PDGFD: variants seen among roughly 807,000 people sequenced by gnomAD.
PDGFD encodes platelet derived growth factor D, also known as platelet-derived growth factor D.
PDGFD carries 30 observed loss-of-function variants against 44.7 expected under a neutral mutation model. The ratio of observed to expected loss-of-function variants is 0.67; its 90% confidence interval spans 0.50 to 0.91. The LOEUF (loss-of-function observed/expected upper bound fraction) is 0.91. Among genes scored for constraint, PDGFD ranks in the 40% least tolerant of loss-of-function variants. The pLI, the probability that PDGFD is intolerant of heterozygous loss-of-function variation, is 0.00. For synonymous variants in PDGFD, 173 were observed against 168.4 expected, an observed-to-expected ratio of 1.03 and a Z score of -0.21; for missense variants, 445 against 457.8, an observed-to-expected ratio of 0.97 and a Z score of 0.25.
chr11:104,071,589 T>C (rs1183254313), intron 1 of PDGFD, among the ~76,000 whole-genome samples: 1 of 151,870 alleles, frequency 6.6e-6, no homozygotes, highest in Non-Finnish European at 1.5e-5. Context: ...TATTTTCTCC[T>C]AGTTGTTTTT....
At chr11:104,070,908 T>C (rs1331466646) in intron 1 of PDGFD, among the ~76,000 whole-genome samples, 1 of 152,148 alleles carries the variant, frequency 6.6e-6, no homozygotes, top group African/African-American at 2.4e-5. Context: ...AATAAATTTC[T>C]GACAAACAGA....
chr11:104,060,187 T>C (rs1052288333), intron 1 of PDGFD, among the ~76,000 whole-genome samples: 2 of 152,254 alleles, frequency 1.3e-5, no homozygotes, highest in African/African-American at 2.4e-5. Flanking sequence ...CACTGTGTTA[T>C]GAATTACATT....
intron 1 of PDGFD, among the ~76,000 whole-genome samples, chr11:104,030,356 G>T (rs1007798860): frequency 2.0e-5 from 3 of 152,164 alleles, no homozygotes; most frequent in African/African-American, 7.2e-5. Context: ...TAATAGGCTG[G>T]AGAATAATAA....
intron 6 of PDGFD, among the ~76,000 whole-genome samples, chr11:103,922,553 C>CA (rs934237123): frequency 6.6e-6 from 1 of 151,706 alleles, no homozygotes; most frequent in Non-Finnish European, 1.5e-5. Context: ...AGAATTCCCC[C>CA]CCGCCTTTTT....
chr11:104,116,195 G>C (rs1861635438), intron 1 of PDGFD, among the ~76,000 whole-genome samples: 1 of 151,980 alleles, frequency 6.6e-6, no homozygotes, highest in African/African-American at 2.4e-5. Context: ...TACATTCTGA[G>C]TTTATTTTTG....
intron 3 of PDGFD, among the ~76,000 whole-genome samples, chr11:103,957,002 A>T (rs780418363): frequency 2.6e-5 from 4 of 152,020 alleles, no homozygotes; most frequent in African/African-American, 2.4e-5. Context: ...CTCCCATTTT[A>T]TAGTTTGCCT....
chr11:104,161,317 T>C (rs1031810217), intron 1 of PDGFD, among the ~76,000 whole-genome samples: 6 of 152,334 alleles, frequency 3.9e-5, no homozygotes, highest in African/African-American at 1.4e-4. Context: ...CTTAATCTGA[T>C]AGTCAAATGA....
At chr11:104,035,552 C>T (rs865837573) in intron 1 of PDGFD, among the ~76,000 whole-genome samples, 1 of 125,916 alleles carries the variant, frequency 7.9e-6, no homozygotes, top group African/African-American at 2.9e-5. Flanking sequence ...TCCTTCCTTA[C>T]TTCTTTTTCT....
intron 1 of PDGFD, among the ~76,000 whole-genome samples, chr11:104,093,227 A>G (rs943668334): frequency 2.6e-5 from 4 of 152,074 alleles, no homozygotes; most frequent in African/African-American, 7.2e-5. Context: ...TACTGATCAA[A>G]TTCTAGAGAA....
In PDGFD at chr11:103,909,678, G is replaced by C; in HGVS notation, c.*16C>G. On this transcript the variant is annotated 3_prime_UTR_variant, in exon 7 of 7. Transcript: ENST00000393158. ...AAAGGTTCTTTCAGGCTTAATGTAA[G>C]GATGTGCACATTCTCTTATCGAGGT... is the stretch of plus-strand genomic sequence containing the variant. 6.2e-7 allele frequency: 1 copy of C among 1,613,850 alleles called. No homozygotes were observed.
rs546764802 is a variant in PDGFD, at chr11:104,121,075, T to C, written c.124+42729A>G. 3.7e-4 allele frequency among the ~76,000 whole-genome samples: 57 copies of C among 152,084 alleles called. 1 individual carries two copies. In the Middle Eastern group the frequency reaches 0.014, roughly 36 times the overall value. On this transcript the variant is annotated intron_variant, in intron 1 of 6. Transcript: ENST00000393158. The stretch of plus-strand genomic sequence containing the variant: ...TTCCTATTTAATCCAACAAAAGCAA[T>C]TGAAGATACAGAGTGACAGCACATG...
At chr11:104,024,436 G>A (rs1860010579) in intron 1 of PDGFD, among the ~76,000 whole-genome samples, 1 of 152,164 alleles carries the variant, frequency 6.6e-6, no homozygotes, top group African/African-American at 2.4e-5. Context: ...TATCTCTAAT[G>A]TTTGCTAATA....
chr11:104,131,302 C>T (rs1282177812), intron 1 of PDGFD, among the ~76,000 whole-genome samples: 2 of 152,096 alleles, frequency 1.3e-5, no homozygotes, highest in East Asian at 3.9e-4. Context: ...ACTGAAATGG[C>T]AACAATATGG....
At chr11:104,020,558 T>C (rs1277055467) in intron 1 of PDGFD, among the ~76,000 whole-genome samples, 1 of 152,114 alleles carries the variant, frequency 6.6e-6, no homozygotes, top group Admixed American at 6.5e-5. Context: ...TTAAGGGACA[T>C]AATAAATGTT....
chr11:103,929,022 G>A (rs1231181440), intron 5 of PDGFD, among the ~76,000 whole-genome samples: 1 of 152,140 alleles, frequency 6.6e-6, no homozygotes, highest in African/African-American at 2.4e-5. Context: ...GGTACAATTA[G>A]CAGGAAGGGA....
At chr11:104,123,069 G>T (rs974529640) in intron 1 of PDGFD, among the ~76,000 whole-genome samples, 2 of 151,902 alleles carry the variant, frequency 1.3e-5, no homozygotes, top group East Asian at 1.9e-4. Flanking sequence ...TTTAAAGAAA[G>T]AATGTTTTCC....
chr11:104,010,853 T>C (rs12421701), intron 1 of PDGFD, among the ~76,000 whole-genome samples: 44,866 of 151,914 alleles, frequency 0.3, 8,109 homozygotes, highest in Admixed American at 0.48. Flanking sequence ...AGTATTACAG[T>C]ATCTAAGGCT....
chr11:104,038,034 C>T (rs766627940), intron 1 of PDGFD: 29 of 1,594,912 alleles, frequency 1.8e-5, no homozygotes, highest in South Asian at 1.7e-4. Context: ...AAATATGTTA[C>T]CACCTTGAGG....
intron 3 of PDGFD, among the ~76,000 whole-genome samples, chr11:103,973,669 C>T (rs1859138758): frequency 6.6e-6 from 1 of 152,128 alleles, no homozygotes; most frequent in Non-Finnish European, 1.5e-5. Context: ...TGGCTCTACG[C>T]TGAGTAAGCA....
Sources: allele counts gnomAD v4.1 joint callset (sites outside exome capture counted in the v4.1 genomes callset), GRCh38; gene constraint gnomAD v4.1.1; transcripts MANE v1.5; gene names NCBI Gene and HGNC (gene_info 2026-07-23, HGNC 2026-07-21).